Variants in CLNK observed in about 807,000 individuals in gnomAD.
The protein encoded by CLNK is cytokine dependent hematopoietic cell linker, also known as cytokine-dependent hematopoietic cell linker.
In CLNK, 74 loss-of-function variants were observed where a neutral mutation model predicts 68.6. The observed-to-expected ratio is 1.08, with a 90% CI of 0.89 to 1.31. The LOEUF is 1.31. Among genes scored for constraint, CLNK ranks in the 50% most tolerant of loss-of-function variants. CLNK has a pLI of 0.00. For missense variants in CLNK, 553 were observed against 515.3 expected (o/e 1.07, Z -0.71); for synonymous variants, 198 against 172.2 (o/e 1.15, Z -1.17).
chr4:10,564,864 A>AT, intron 6 of CLNK, 87 bp from the exon 7 acceptor site: 1 of 804,078 alleles, frequency 1.2e-6, no homozygotes. Flanking sequence ...CTACAAACTC[A>AT]TTGGATCATT....
intron 2 of CLNK, among the ~76,000 whole-genome samples, chr4:10,599,117 G>A (rs1250935388): frequency 2.0e-5 from 3 of 152,186 alleles, no homozygotes; most frequent in Admixed American, 1.3e-4. Flanking sequence ...GTTTTAACTG[G>A]TAACTTGTGT....
At chr4:10,709,952 G>A in the CLNK span, among the ~76,000 whole-genome samples, 1 of 152,124 alleles carries the variant, frequency 6.6e-6, no homozygotes, top group East Asian at 1.9e-4. Context: ...GTTTGGACCT[G>A]ACCATAAGAA....
intron 12 of CLNK, among the ~76,000 whole-genome samples, chr4:10,529,697 T>A (rs1053020054): frequency 1.3e-5 from 2 of 152,212 alleles, no homozygotes; most frequent in South Asian, 4.1e-4. Context: ...TGAACCTGGC[T>A]GTTCAAAGTG....
chr4:10,492,250 C>T (rs1261204649), intron 18 of CLNK, among the ~76,000 whole-genome samples: 1 of 152,112 alleles, frequency 6.6e-6, no homozygotes, highest in African/African-American at 2.4e-5. Flanking sequence ...TTTTATTTTT[C>T]AGCTTTGCCT....
chr4:10,542,526 T>C (rs577660993), intron 8 of CLNK, among the ~76,000 whole-genome samples: 1 of 152,230 alleles, frequency 6.6e-6, no homozygotes, highest in Non-Finnish European at 1.5e-5. Context: ...ATATCTCACC[T>C]ACACTCACCC....
chr4:10,511,026 G>A (rs1388376436), intron 16 of CLNK, among the ~76,000 whole-genome samples: 1 of 152,196 alleles, frequency 6.6e-6, no homozygotes, highest in Non-Finnish European at 1.5e-5. Flanking sequence ...GTGGCAACAT[G>A]CCTGTAATCC....
At chr4:10,627,577 GGAGA>G (rs890305365) in intron 2 of CLNK, among the ~76,000 whole-genome samples, 25 of 152,272 alleles carry the variant, frequency 1.6e-4, no homozygotes, top group African/African-American at 5.8e-4. Context: ...TCAAGGCCAG[GGAGA>G]GAGAGACAGA....
chr4:10,535,174 G>C (rs920110625), intron 11 of CLNK, among the ~76,000 whole-genome samples: 17 of 136,066 alleles, frequency 1.2e-4, no homozygotes, highest in Non-Finnish European at 7.8e-5. Context: ...GAGTGTTAGA[G>C]AGACCCCTGT....
the CLNK span, among the ~76,000 whole-genome samples, chr4:10,689,954 C>T: frequency 0.15 from 22,930 of 151,752 alleles, 1,827 homozygotes; most frequent in South Asian, 0.18. Context: ...TGAGCCTCCC[C>T]ACAATTAGCT....
chr4:10,560,711 G>A (rs180939648), intron 7 of CLNK, among the ~76,000 whole-genome samples: 1 of 152,116 alleles, frequency 6.6e-6, no homozygotes, highest in Admixed American at 6.5e-5. Flanking sequence ...CCCAAAACGT[G>A]GGGACTACAA....
At chr4:10,611,599 A>G (rs1722028868) in intron 2 of CLNK, among the ~76,000 whole-genome samples, 1 of 151,770 alleles carries the variant, frequency 6.6e-6, no homozygotes, top group South Asian at 2.1e-4. Flanking sequence ...GGAGCCCCCC[A>G]GGAAAATAGC....
At chr4:10,640,247 C>A (rs1263506858) in intron 2 of CLNK, among the ~76,000 whole-genome samples, 1 of 152,174 alleles carries the variant, frequency 6.6e-6, no homozygotes, top group African/African-American at 2.4e-5. Flanking sequence ...TCACTGCAAC[C>A]TCAGCCTCCT....
the CLNK span, among the ~76,000 whole-genome samples, chr4:10,694,402 G>A: frequency 6.6e-6 from 1 of 151,988 alleles, no homozygotes; most frequent in South Asian, 2.1e-4. Flanking sequence ...GCCTAAGGCT[G>A]TTTTAGTCAA....
At chr4:10,667,822 A>G in intron 2 of CLNK, 37 bp downstream of exon 2, 5 of 1,543,180 alleles carry the variant, frequency 3.2e-6, no homozygotes, top group South Asian at 2.5e-5. Flanking sequence ...CACCAAGAAA[A>G]GGGAACTGGG....
At chr4:10,723,738 T>C in the CLNK span, among the ~76,000 whole-genome samples, 1 of 152,184 alleles carries the variant, frequency 6.6e-6, no homozygotes, top group Admixed American at 6.5e-5. Flanking sequence ...CTGTACATAG[T>C]AGATAACACA....
intron 4 of CLNK, among the ~76,000 whole-genome samples, chr4:10,578,277 G>A (rs1560225008): frequency 6.6e-6 from 1 of 152,152 alleles, no homozygotes; most frequent in Non-Finnish European, 1.5e-5. Flanking sequence ...TTGAGAACTT[G>A]TTCTGTTTTT....
chr4:10,689,222 ACTCCTGGGCTCAAGTGATT>A (rs1209549649), upstream of CLNK, among the ~76,000 whole-genome samples: 2 of 150,616 alleles, frequency 1.3e-5, no homozygotes, highest in Non-Finnish European at 1.5e-5. Flanking sequence ...GCAGCCTTGA[ACTCCTGGGCTCAAGTGATT>A]CTCCTGCATC....
intron 14 of CLNK, among the ~76,000 whole-genome samples, chr4:10,524,500 A>G (rs1460096525): frequency 6.6e-6 from 1 of 152,220 alleles, no homozygotes; most frequent in Non-Finnish European, 1.5e-5. Flanking sequence ...CTGTTCCACC[A>G]CAAACATAGT....
At chr4:10,571,204 A>G (rs1391419021) in intron 5 of CLNK, among the ~76,000 whole-genome samples, 1 of 151,632 alleles carries the variant, frequency 6.6e-6, no homozygotes. Context: ...ATTAATTTTT[A>G]TTTCCATTTT....
Sources: gnomAD v4.1 joint callset for allele counts (sites outside exome capture counted in the v4.1 genomes callset) on GRCh38, gnomAD v4.1.1 for gene constraint, MANE v1.5 for transcripts, NCBI Gene and HGNC (gene_info 2026-07-23, HGNC 2026-07-21) for gene names.